Variants in NT5DC1 observed in about 807,000 individuals in gnomAD.
The protein encoded by NT5DC1 is 5'-nucleotidase domain-containing protein 1.
In NT5DC1, 42 loss-of-function variants were observed where a neutral mutation model predicts 59.4. The ratio of observed to expected loss-of-function variants is 0.71; its 90% CI spans 0.55 to 0.92. The LOEUF (loss-of-function observed/expected upper bound fraction) is 0.92, where lower values mean the gene tolerates loss of function less well. Ranked by LOEUF, NT5DC1 falls within the 40% of genes least tolerant of loss-of-function variation. The pLI, the probability that NT5DC1 is intolerant of heterozygous loss-of-function variation, is 0.00. For synonymous variants in NT5DC1, 172 were observed against 188.1 expected, an observed-to-expected ratio of 0.91 and a Z score of 0.70; for missense variants, 501 against 537.1, an observed-to-expected ratio of 0.93 and a Z score of 0.66.
chr6:116,111,722 A>G (rs940275510), intron 4 of NT5DC1, among the ~76,000 whole-genome samples: 4 of 152,178 alleles, frequency 2.6e-5, no homozygotes, highest in Non-Finnish European at 5.9e-5. Flanking sequence ...TATATTTGCT[A>G]TCTTTTGAGA....
At chr6:116,176,057 A>G (rs774446103) in intron 6 of NT5DC1, among the ~76,000 whole-genome samples, 2 of 152,194 alleles carry the variant, frequency 1.3e-5, no homozygotes, top group Admixed American at 6.5e-5. Context: ...TTACACCTCA[A>G]AATGGACTTG....
At chr6:116,137,822 C>CT (rs1391204928) in intron 6 of NT5DC1, among the ~76,000 whole-genome samples, 7 of 152,294 alleles carry the variant, frequency 4.6e-5, no homozygotes, top group Non-Finnish European at 4.4e-5. Flanking sequence ...TGGCTTATGC[C>CT]TGTAATCCCA....
intron 6 of NT5DC1, among the ~76,000 whole-genome samples, chr6:116,123,720 G>A (rs539033866): frequency 6.6e-6 from 1 of 152,168 alleles, no homozygotes. Context: ...GTGTAGTTGA[G>A]TGTCTATCTA....
chr6:116,244,011 T>A lies in NT5DC1; in HGVS notation c.1355T>A (p.Leu452Gln). 1 of 1,383,562 alleles carries A rather than the reference T, an allele frequency of 7.2e-7. No homozygotes were observed. Among genetic ancestry groups the A allele is most frequent in the Non-Finnish European group, 1.0e-6 (1 of 984,870 alleles). 85.7% of individuals were successfully genotyped at this position (1,383,562 alleles called of 1,614,324 possible). A position where few individuals can be genotyped will look rare whatever the true frequency, so the allele number is the denominator to read the frequency against. Residue 452 changes from leucine to glutamine, a missense_variant, in exon 12 of 12, where the codon CTG becomes CAG. Coordinates refer to ENST00000319550, the MANE Select transcript of NT5DC1 (RefSeq NM_152729.3). ...CTGGTCTTATCAAGTGATGAGACAC[T>A]GATATCCAAATAAGTTGTCTTTACT... Reference protein sequence around the residue: ...PPLVLSSDETLISK With the variant: ...PPLVLSSDETQISK
intron 6 of NT5DC1, among the ~76,000 whole-genome samples, chr6:116,140,601 C>T (rs986920765): frequency 3.9e-5 from 6 of 152,144 alleles, no homozygotes; most frequent in African/African-American, 1.4e-4. Flanking sequence ...ATGGCATTCC[C>T]TGTGTTTCCT....
At chr6:116,115,896 G>A in intron 5 of NT5DC1, 126 bp downstream of exon 5, 2 of 442,546 alleles carry the variant, frequency 4.5e-6, no homozygotes, top group Non-Finnish European at 8.2e-6. Flanking sequence ...GAGCTGACTG[G>A]GAAAGAAAAA....
chr6:116,202,252 G>A (rs192116474), intron 6 of NT5DC1, among the ~76,000 whole-genome samples: 116 of 151,994 alleles, frequency 7.6e-4, no homozygotes, highest in African/African-American at 2.7e-3. Context: ...TATTCTTTTC[G>A]AGAAAACATT....
intron 6 of NT5DC1, among the ~76,000 whole-genome samples, chr6:116,147,000 A>AATAT (rs59165804): frequency 8.9e-4 from 130 of 146,684 alleles, no homozygotes; most frequent in African/African-American, 1.6e-3. Flanking sequence ...AATAATATAA[A>AATAT]ATATATATAT....
rs1397932411 is a variant in NT5DC1, at chr6:116,244,137, T to A, written c.*113T>A. ...GAACAAGTTTTATTGACCAATAAGT[T>A]GATATTTGTCCATAGGTCTCCTTTC... On this transcript the variant is annotated 3_prime_UTR_variant, in exon 12 of 12. Coordinates refer to ENST00000319550, the MANE Select transcript of NT5DC1 (RefSeq NM_152729.3). 5 of 492,044 alleles carry A rather than the reference T, an allele frequency of 1.0e-5. No homozygotes were observed. The highest frequency in any genetic ancestry group is 1.5e-5 in the Non-Finnish European group (4 of 272,928). The allele number at this position is 492,044 out of a possible 1,614,324, so 30.5% of individuals were successfully genotyped here. A position where few individuals can be genotyped will look rare whatever the true frequency, so the allele number is the denominator to read the frequency against.
chr6:116,125,703 A>G (rs1160546802), intron 6 of NT5DC1: 2 of 444,494 alleles, frequency 4.5e-6, no homozygotes, highest in East Asian at 8.5e-5. Context: ...TTTGGAAGCT[A>G]TACTCAGGTA....
intron 6 of NT5DC1, among the ~76,000 whole-genome samples, chr6:116,191,695 G>A (rs1781119949): frequency 6.6e-6 from 1 of 151,940 alleles, no homozygotes; most frequent in Admixed American, 6.6e-5. Context: ...CAATAACATT[G>A]TCTTTTTTGT....
chr6:116,124,857 G>A (rs1018082379), intron 6 of NT5DC1, among the ~76,000 whole-genome samples: 1 of 152,120 alleles, frequency 6.6e-6, no homozygotes, highest in African/African-American at 2.4e-5. Context: ...TTGTTGGGGG[G>A]GAGGCCATCA....
At chr6:116,144,114 G>T (rs1265795185) in intron 6 of NT5DC1, among the ~76,000 whole-genome samples, 1 of 152,080 alleles carries the variant, frequency 6.6e-6, no homozygotes, top group Admixed American at 6.6e-5. Context: ...CGGGTATTCT[G>T]CAGTCAGATA....
chr6:116,115,740 G>A lies in NT5DC1; in HGVS notation c.414G>A (p.Leu138=), dbSNP rs1289173051. The change falls in exon 5 of 12, where the codon CTG becomes CTA. Residue 138 remains leucine (L), a synonymous_variant. Transcript: ENST00000319550. ...DNYFDLPGAL[L]CARVVDYLTK... is the part of the protein sequence containing the mutation. ...ACTTTGACCTGCCAGGAGCTCTTCT[G>A]TGTGCCAGGGTGGTGGACTATTTAA... The A allele has an allele frequency of 6.2e-6, 10 of 1,601,688 alleles. No homozygotes were observed. The highest frequency in any genetic ancestry group is 8.6e-6 in the Non-Finnish European group (10 of 1,168,934).
Position 116,249,161 on chromosome 6 carries a change from A to G in NT5DC1, c.*5137A>G, listed in dbSNP as rs1041817749. On this transcript the variant is annotated 3_prime_UTR_variant, in exon 12 of 12. Transcript: ENST00000319550. ...GATTAAGATGGATGTAGAGCTTGCA[A>G]AAGAAAACCTAGCTCTCTAATACTT... 3.0e-5 allele frequency: 4 copies of G among 134,302 alleles called. No individual in the cohort carries two copies. The highest frequency in any genetic ancestry group is 9.8e-5 in the African/African-American group (4 of 40,694). The allele number at this position is 134,302 out of a possible 1,614,324, so 8.3% of individuals were successfully genotyped here.
chr6:116,102,730 T>A (rs1778685373), intron 1 of NT5DC1, among the ~76,000 whole-genome samples: 1 of 152,236 alleles, frequency 6.6e-6, no homozygotes, highest in Non-Finnish European at 1.5e-5. Flanking sequence ...AAATCTTTTT[T>A]ATTTTAAGTC....
At chr6:116,194,534 A>C (rs1781185844) in intron 6 of NT5DC1, among the ~76,000 whole-genome samples, 1 of 152,006 alleles carries the variant, frequency 6.6e-6, no homozygotes, top group Non-Finnish European at 1.5e-5. Flanking sequence ...GATTGAACAG[A>C]TAGAACCTGA....
At chr6:116,109,102 G>A (rs1163823115) in intron 3 of NT5DC1, among the ~76,000 whole-genome samples, 3 of 152,162 alleles carry the variant, frequency 2.0e-5, no homozygotes, top group African/African-American at 7.2e-5. Flanking sequence ...CAGGGAGGGA[G>A]CATCTGTTTT....
At chr6:116,167,226 T>G (rs1449261119) in intron 6 of NT5DC1, among the ~76,000 whole-genome samples, 2 of 148,896 alleles carry the variant, frequency 1.3e-5, no homozygotes, top group African/African-American at 5.0e-5. Flanking sequence ...TTTTTTTTTT[T>G]TTTTTGAGAC....
Sources: allele counts gnomAD v4.1 joint callset (sites outside exome capture counted in the v4.1 genomes callset), GRCh38; gene constraint gnomAD v4.1.1; transcripts MANE v1.5; gene names NCBI Gene and HGNC (gene_info 2026-07-23, HGNC 2026-07-21).